NCKAP5: variants seen among roughly 807,000 people sequenced by gnomAD.
The protein encoded by NCKAP5 is NCK associated protein 5.
A neutral mutation model predicts 167.0 loss-of-function variants in NCKAP5; 92 were observed. That is an observed-to-expected ratio of 0.55 (90% CI 0.47 to 0.66). The LOEUF (loss-of-function observed/expected upper bound fraction) is 0.66, where lower values mean the gene tolerates loss of function less well. Among genes scored for constraint, NCKAP5 ranks in the 30% least tolerant of loss-of-function variants. NCKAP5 has a pLI of 0.00. For synonymous variants in NCKAP5, 891 were observed against 877.4 expected (o/e 1.02, Z -0.27); for missense variants, 2,378 against 2,315.0 (o/e 1.03, Z -0.56).
intron 3 of NCKAP5, among the ~76,000 whole-genome samples, chr2:133,366,706 G>A (rs529344635): frequency 6.6e-6 from 1 of 152,208 alleles, no homozygotes; most frequent in South Asian, 2.1e-4. Flanking sequence ...ATTATACACA[G>A]TTCATAAGAG....
rs1006803002 is a variant in NCKAP5, at chr2:133,296,797, A to T, written c.143+6240T>A. Among the ~76,000 whole-genome samples, 3 of 152,192 alleles carry T rather than the reference A, an allele frequency of 2.0e-5. No homozygotes were observed. In the East Asian group the frequency reaches 5.8e-4, roughly 29 times the overall value. On this transcript the variant is annotated intron_variant, in intron 4 of 19. Transcript: ENST00000409261. ...TCCAAGTCCCCAAAACCTCCAGTCC[A>T]GTTTTCTTCCTATTGTGTAGTATTA...
chr2:133,093,620 A>G (rs2081258234), intron 6 of NCKAP5, among the ~76,000 whole-genome samples: 1 of 152,178 alleles, frequency 6.6e-6, no homozygotes, highest in Non-Finnish European at 1.5e-5. Context: ...TCTAATAGAA[A>G]TGTTCTTTCT....
chr2:133,193,049 G>A (rs2085295279), intron 5 of NCKAP5, among the ~76,000 whole-genome samples: 1 of 152,046 alleles, frequency 6.6e-6, no homozygotes, highest in Admixed American at 6.6e-5. Flanking sequence ...CCATATCATG[G>A]AATAGTATTT....
the NCKAP5 span, among the ~76,000 whole-genome samples, chr2:133,614,732 A>G: frequency 6.6e-6 from 1 of 152,164 alleles, no homozygotes; most frequent in Non-Finnish European, 1.5e-5. Flanking sequence ...TCTGCAGGAT[A>G]TTATCCAGGA....
chr2:132,980,399 C>A (rs1204254416), intron 7 of NCKAP5, among the ~76,000 whole-genome samples: 2 of 152,120 alleles, frequency 1.3e-5, no homozygotes, highest in African/African-American at 4.8e-5. Context: ...AGGGTGGAAC[C>A]AGCACATTAG....
intron 19 of NCKAP5, among the ~76,000 whole-genome samples, chr2:132,677,732 T>A (rs2566531): frequency 0.65 from 98,400 of 151,812 alleles, 32,993 homozygotes; most frequent in African/African-American, 0.83. Context: ...AGACAGAAAT[T>A]GAGACGTGCC....
At chr2:132,747,423 G>T (rs191613219) in intron 16 of NCKAP5, among the ~76,000 whole-genome samples, 1 of 152,118 alleles carries the variant, frequency 6.6e-6, no homozygotes, top group African/African-American at 2.4e-5. Flanking sequence ...TTCAATAATC[G>T]TGGGAAATAG....
At chr2:133,072,272 G>A (rs1275073560) in intron 6 of NCKAP5, among the ~76,000 whole-genome samples, 1 of 152,084 alleles carries the variant, frequency 6.6e-6, no homozygotes, top group Admixed American at 6.5e-5. Flanking sequence ...TTTTAGTAGA[G>A]ATGGGGTTTC....
chr2:133,039,058 A>G (rs2079128779), intron 6 of NCKAP5, among the ~76,000 whole-genome samples: 1 of 152,150 alleles, frequency 6.6e-6, no homozygotes, highest in East Asian at 1.9e-4. Flanking sequence ...GGCCACCAAC[A>G]CCAGGGCACC....
chr2:133,538,346 G>C lies in NCKAP5; in HGVS notation c.-62+20704C>G, dbSNP rs1223830363. Among the ~76,000 whole-genome samples, 5 of 152,262 alleles carry C rather than the reference G, an allele frequency of 3.3e-5. No homozygotes were observed. In the South Asian group the frequency reaches 8.3e-4, roughly 25 times the overall value. On this transcript the variant is annotated intron_variant, in intron 2 of 19. Transcript: ENST00000409261. The stretch of plus-strand genomic sequence containing the variant: ...TAGGTGAGTGGCTCTTAAAAACTTT[G>C]AGAATCAGGGGAAATTAAAATACAT...
intron 6 of NCKAP5, among the ~76,000 whole-genome samples, chr2:132,996,677 G>A (rs986975711): frequency 4.6e-5 from 7 of 152,128 alleles, no homozygotes; most frequent in African/African-American, 1.7e-4. Flanking sequence ...ATTTGGTATA[G>A]GACTATGCCA....
chr2:133,559,216 A>G (rs1687985058), intron 1 of NCKAP5, 99 bp from the exon 2 acceptor site: 1 of 152,216 alleles, frequency 6.6e-6, no homozygotes, highest in Admixed American at 6.5e-5. Context: ...GCATCTAAAA[A>G]TGGGATTAAT....
chr2:133,448,483 C>G (rs1691349336), intron 3 of NCKAP5, among the ~76,000 whole-genome samples: 1 of 152,138 alleles, frequency 6.6e-6, no homozygotes, highest in Non-Finnish European at 1.5e-5. Flanking sequence ...AAATCTAAAA[C>G]AAAAGTAGCG....
At chr2:133,372,477 C>T (rs1685867615) in intron 3 of NCKAP5, among the ~76,000 whole-genome samples, 1 of 152,192 alleles carries the variant, frequency 6.6e-6, no homozygotes, top group Admixed American at 6.5e-5. Context: ...CACTGCAAGT[C>T]CATTCCAAAT....
the NCKAP5 span, among the ~76,000 whole-genome samples, chr2:133,602,413 C>T: frequency 4.5e-3 from 681 of 152,272 alleles, 4 homozygotes; most frequent in African/African-American, 0.016. Flanking sequence ...GCTGTAGACG[C>T]TGCTGAGTGC....
intron 3 of NCKAP5, among the ~76,000 whole-genome samples, chr2:133,417,154 T>A (rs113847637): frequency 1.7e-4 from 26 of 151,806 alleles, no homozygotes; most frequent in African/African-American, 5.8e-4. Flanking sequence ...GTGTTTTGTT[T>A]GTTTCTTTCT....
intron 4 of NCKAP5, among the ~76,000 whole-genome samples, chr2:133,254,306 G>A (rs1424048036): frequency 6.6e-6 from 1 of 152,028 alleles, no homozygotes; most frequent in East Asian, 1.9e-4. Flanking sequence ...GTGGAGAGAT[G>A]ATATGGAGGG....
At chr2:133,321,266 C>T (rs1374611536) in intron 3 of NCKAP5, among the ~76,000 whole-genome samples, 1 of 152,210 alleles carries the variant, frequency 6.6e-6, no homozygotes, top group Non-Finnish European at 1.5e-5. Context: ...TGATTAGACT[C>T]AGTGCCCTTC....
At chr2:132,685,205 C>T (rs570197717) in intron 19 of NCKAP5, among the ~76,000 whole-genome samples, 5 of 152,244 alleles carry the variant, frequency 3.3e-5, no homozygotes, top group South Asian at 4.1e-4. Context: ...CTATAGCAGA[C>T]GATGACCTTC....
Sources: gnomAD v4.1 joint callset for allele counts (sites outside exome capture counted in the v4.1 genomes callset) on GRCh38, gnomAD v4.1.1 for gene constraint, MANE v1.5 for transcripts, NCBI Gene and HGNC (gene_info 2026-07-23, HGNC 2026-07-21) for gene names.